Variants in ASPRV1 observed in about 807,000 individuals in gnomAD.
ASPRV1 encodes the protein retroviral-like aspartic protease 1.
In ASPRV1, 7 loss-of-function variants were observed where a neutral mutation model predicts 11.0. That is an observed-to-expected ratio of 0.64 (90% CI 0.36 to 1.20). The LOEUF (loss-of-function observed/expected upper bound fraction) is 1.20. Among genes scored for constraint, ASPRV1 ranks in the 50% most tolerant of loss-of-function variants. The pLI, the probability that ASPRV1 is intolerant of heterozygous loss-of-function variation, is 0.02. For missense variants in ASPRV1, 299 were observed against 320.0 expected (o/e 0.93, Z 0.50); for synonymous variants, 136 against 138.4 (o/e 0.98, Z 0.12).
chr2:70,072,353 G>A, the ASPRV1 span, among the ~76,000 whole-genome samples: 1 of 152,144 alleles, frequency 6.6e-6, no homozygotes, highest in African/African-American at 2.4e-5. Context: ...AGGAGTTCAA[G>A]GCTACAGTAA....
At chr2:70,053,466 A>G in the ASPRV1 span, among the ~76,000 whole-genome samples, 1 of 152,312 alleles carries the variant, frequency 6.6e-6, no homozygotes, top group Admixed American at 6.5e-5. Context: ...GACACCAACT[A>G]TAAGCCAGGC....
the ASPRV1 span, chr2:70,071,665 C>G: frequency 6.6e-6 from 1 of 152,072 alleles, no homozygotes; most frequent in East Asian, 1.9e-4. Flanking sequence ...TCACTTGAAC[C>G]CAGGAGGTGG....
At chr2:69,937,061 A>T in the ASPRV1 span, 1 of 839,336 alleles carries the variant, frequency 1.2e-6, no homozygotes, top group Non-Finnish European at 2.1e-6. Flanking sequence ...AGTCAGACGA[A>T]GCCAGGAGTC....
the ASPRV1 span, among the ~76,000 whole-genome samples, chr2:70,000,171 A>G: frequency 1.3e-5 from 2 of 152,232 alleles, no homozygotes; most frequent in Admixed American, 6.5e-5. Context: ...ACAAGTGATA[A>G]TCTAGGATAA....
chr2:70,064,408 C>G, the ASPRV1 span, among the ~76,000 whole-genome samples: 1 of 152,050 alleles, frequency 6.6e-6, no homozygotes, highest in Admixed American at 6.6e-5. Context: ...GTGAAGGACA[C>G]AGACAACAAA....
the ASPRV1 span, among the ~76,000 whole-genome samples, chr2:69,946,198 C>CA: frequency 2.6e-5 from 4 of 152,216 alleles, no homozygotes; most frequent in African/African-American, 9.7e-5. Context: ...CGGAAAAAAC[C>CA]ATTGCTGTGA....
the ASPRV1 span, among the ~76,000 whole-genome samples, chr2:70,000,726 C>A: frequency 3.9e-5 from 5 of 129,150 alleles, 1 homozygote; most frequent in East Asian, 1.0e-3. Flanking sequence ...GAGGTTGAGG[C>A]TGCAGTGAGC....
downstream of ASPRV1, among the ~76,000 whole-genome samples, chr2:69,958,104 C>T (rs72910666): frequency 0.013 from 1,943 of 152,268 alleles, 39 homozygotes; most frequent in South Asian, 0.037. Flanking sequence ...CTCTCCCGGG[C>T]TTCTCTGTTG....
chr2:69,945,799 TG>T, the ASPRV1 span, among the ~76,000 whole-genome samples: 2 of 152,088 alleles, frequency 1.3e-5, no homozygotes, highest in Non-Finnish European at 2.9e-5. Flanking sequence ...GCGGGTGGAC[TG>T]GGGGTATTGG....
chr2:70,014,796 C>CAAAAAAAAAAA, the ASPRV1 span, among the ~76,000 whole-genome samples: 83 of 73,968 alleles, frequency 1.1e-3, no homozygotes, highest in Non-Finnish European at 1.6e-3. Context: ...GACCTTGTCT[C>CAAAAAAAAAAA]AAAAAAAAAA....
chr2:69,980,459 T>C, the ASPRV1 span, among the ~76,000 whole-genome samples: 2 of 152,170 alleles, frequency 1.3e-5, no homozygotes, highest in African/African-American at 4.8e-5. Context: ...CAAGTGTACA[T>C]GCACACACAT....
chr2:70,028,266 T>C, the ASPRV1 span: 1 of 152,114 alleles, frequency 6.6e-6, no homozygotes, highest in Non-Finnish European at 1.5e-5. Flanking sequence ...GGTGTGGAAA[T>C]AGATGGAAGT....
the ASPRV1 span, among the ~76,000 whole-genome samples, chr2:70,086,801 C>G: frequency 6.6e-6 from 1 of 152,244 alleles, no homozygotes; most frequent in Non-Finnish European, 1.5e-5. Context: ...CTTTTTAGGA[C>G]CACGTTTCTA....
chr2:70,076,263 A>C, the ASPRV1 span, among the ~76,000 whole-genome samples: 1 of 152,220 alleles, frequency 6.6e-6, no homozygotes, highest in African/African-American at 2.4e-5. Flanking sequence ...GATGCAGCGT[A>C]ATGGTTAGCA....
At chr2:69,959,499 C>A (rs1290954353), downstream of ASPRV1, among the ~76,000 whole-genome samples, 2 of 152,118 alleles carry the variant, frequency 1.3e-5, no homozygotes, top group African/African-American at 2.4e-5. Context: ...GAGATGCACA[C>A]CCCATTCCCA....
chr2:69,960,851 C>A lies in ASPRV1; in HGVS notation c.586G>T (p.Glu196Ter). The A allele has an allele frequency of 6.2e-7, 1 of 1,614,144 alleles. No individual in the cohort carries two copies. The highest frequency in any genetic ancestry group is 8.5e-7 in the Non-Finnish European group (1 of 1,180,034). Reference protein sequence around the residue: ...AQFLVANASAEEAIIGTDVLQ... With the variant: ...AQFLVANASA ...ACATCAGTGCCAATGATGGCTTCCTCGGCACTCGCATTGGCCACTAGGAAC... is the reference window on the plus strand; with the variant it reads ...ACATCAGTGCCAATGATGGCTTCCTAGGCACTCGCATTGGCCACTAGGAAC... The change falls in exon 1 of 1, where the codon GAG becomes TAG. Residue 196 changes from glutamate (E) to a stop codon, truncating the protein, a stop_gained. Transcript: ENST00000320256. LOFTEE classifies it high-confidence loss of function.
the ASPRV1 span, among the ~76,000 whole-genome samples, chr2:70,001,143 C>T: frequency 2.0e-5 from 3 of 151,536 alleles, no homozygotes; most frequent in African/African-American, 7.3e-5. Flanking sequence ...ACTCCTTGAT[C>T]TACTCTATTT....
At chr2:69,957,780 T>C (rs970432573), downstream of ASPRV1, among the ~76,000 whole-genome samples, 3 of 152,148 alleles carry the variant, frequency 2.0e-5, no homozygotes, top group Non-Finnish European at 4.4e-5. Flanking sequence ...CCAAGCCTGC[T>C]GCACTTTGGG....
At chr2:69,988,729 C>G in the ASPRV1 span, 1 of 453,744 alleles carries the variant, frequency 2.2e-6, no homozygotes, top group African/African-American at 2.0e-5. Flanking sequence ...AAAACCTTCC[C>G]CATGGAACTT....
Sources: gnomAD v4.1 joint callset for allele counts (sites outside exome capture counted in the v4.1 genomes callset) on GRCh38, gnomAD v4.1.1 for gene constraint, MANE v1.5 for transcripts, NCBI Gene and HGNC (gene_info 2026-07-23, HGNC 2026-07-21) for gene names.